GPR89B: variants seen among roughly 807,000 people sequenced by gnomAD.
GPR89B encodes G protein-coupled receptor 89B.
In GPR89B, 25 loss-of-function variants were observed where a neutral mutation model predicts 52.4. The ratio of observed to expected loss-of-function variants is 0.48; its 90% CI spans 0.35 to 0.67. The LOEUF is 0.67. Among genes scored for constraint, GPR89B ranks in the 30% least tolerant of loss-of-function variants. GPR89B has a pLI of 0.01. For missense variants in GPR89B, 146 were observed against 450.2 expected, an observed-to-expected ratio of 0.32 and a Z score of 6.11; for synonymous variants, 52 against 151.2, an observed-to-expected ratio of 0.34 and a Z score of 4.81.
rs1329724056 is a variant in GPR89B at position 147,986,204 on chromosome 1, C to T, written c.915C>T (p.Thr305=). The T allele has an allele frequency of 7.4e-6, 12 of 1,611,144 alleles. No homozygotes were observed. The South Asian group carries it at 1.1e-4, about 15-fold the overall frequency. Residue 305 remains threonine, a synonymous_variant, in exon 11 of 14, where the codon ACC becomes ACT. Transcript: ENST00000314163. ...IYCVWKIFMA[T]INIVFDRVGK... is the part of the protein sequence containing the mutation. Reference sequence around the variant, plus strand: ...AAAAATCTGCATCTTTGCAGGCTACCATCAATATTGTTTTTGATCGAGTTG... The same window carrying T: ...AAAAATCTGCATCTTTGCAGGCTACTATCAATATTGTTTTTGATCGAGTTG...
At chr1:147,990,773 A>G (rs1659008360) in intron 12 of GPR89B, among the ~76,000 whole-genome samples, 2 of 151,004 alleles carry the variant, frequency 1.3e-5, no homozygotes, top group Non-Finnish European at 1.5e-5. Context: ...GTGTGGTATT[A>G]TTTCTGAGGG....
the GPR89B span, among the ~76,000 whole-genome samples, chr1:148,013,377 G>T: frequency 2.0e-5 from 3 of 152,122 alleles, no homozygotes; most frequent in African/African-American, 4.8e-5. Flanking sequence ...TTCTGATGTT[G>T]GTAGAGACGC....
At chr1:147,929,101 T>C (rs1258327517) in intron 1 of GPR89B, 6 of 871,782 alleles carry the variant, frequency 6.9e-6, no homozygotes, top group Non-Finnish European at 8.3e-6. Context: ...CTTGAAAGTA[T>C]AAGGTTTCGT....
At chr1:148,006,025 T>A in the GPR89B span, among the ~76,000 whole-genome samples, 1 of 152,280 alleles carries the variant, frequency 6.6e-6, no homozygotes, top group Admixed American at 6.5e-5. Context: ...CCCAATAATG[T>A]GAAACAAACT....
rs1449798455 is a variant in GPR89B, at chr1:147,970,217, C to T, written c.909+258C>T. ...GTTTATGAAATATCTAAATTGAGGC[C>T]GGGCATGGTGGCTCATGCCTATAAT... On this transcript the variant is annotated intron_variant, in intron 10 of 13. Coordinates refer to ENST00000314163, the MANE Select transcript of GPR89B (RefSeq NM_016334.5). Among the ~76,000 whole-genome samples, 13 of 151,936 alleles carry T rather than the reference C, an allele frequency of 8.6e-5. No homozygotes were observed. The East Asian group carries it at 9.7e-4, about 11-fold the overall frequency.
At chr1:147,998,586 A>C (rs1157737145), downstream of GPR89B, among the ~76,000 whole-genome samples, 58 of 152,210 alleles carry the variant, frequency 3.8e-4, no homozygotes, top group African/African-American at 1.2e-3. Flanking sequence ...CATTTAAAAC[A>C]CTTGAGATTT....
rs1186184289 is a variant in GPR89B, at chr1:147,957,969, C to T, written c.617+3567C>T. Among the ~76,000 whole-genome samples, 470 of 151,150 alleles carry T rather than the reference C, an allele frequency of 3.1e-3. 10 individuals carry two copies. The highest frequency in any genetic ancestry group is 0.011 in the African/African-American group (455 of 40,782). On this transcript the variant is annotated intron_variant, in intron 7 of 13. Coordinates refer to ENST00000314163, the MANE Select transcript of GPR89B (RefSeq NM_016334.5). ...GTCCCAGCTACTCGGGAGACTGAGG[C>T]AGGAGAACGGTGTGAACCCAGGAGG...
intron 7 of GPR89B, among the ~76,000 whole-genome samples, chr1:147,962,423 CAA>C (rs1176963367): frequency 2.5e-4 from 20 of 80,932 alleles, no homozygotes; most frequent in African/African-American, 3.1e-4. Flanking sequence ...AACTCTGTCT[CAA>C]AAAAAAAAAA....
At chr1:147,971,255 T>TGAGAA (rs1657440126) in intron 10 of GPR89B, among the ~76,000 whole-genome samples, 31 of 151,436 alleles carry the variant, frequency 2.0e-4, no homozygotes, top group Non-Finnish European at 2.6e-4. Flanking sequence ...GCTCAAGCAA[T>TGAGAA]TCTCCTGCCT....
intron 2 of GPR89B, 139 bp from the exon 3 acceptor site, chr1:147,938,575 C>A: frequency 1.5e-6 from 1 of 685,148 alleles, no homozygotes; most frequent in Non-Finnish European, 2.5e-6. Flanking sequence ...TAGCTCCAGG[C>A]AAGTTGCTGT....
the GPR89B span, among the ~76,000 whole-genome samples, chr1:148,023,027 T>C: frequency 6.6e-6 from 1 of 152,018 alleles, no homozygotes; most frequent in Non-Finnish European, 1.5e-5. Flanking sequence ...GTTACATGGG[T>C]ATATTGGGTC....
chr1:147,985,800 C>G (rs1397387377), intron 10 of GPR89B, among the ~76,000 whole-genome samples: 4 of 152,054 alleles, frequency 2.6e-5, no homozygotes, highest in African/African-American at 7.2e-5. Flanking sequence ...GACTTATTAG[C>G]TATAACTCCT....
Position 147,928,506 on chromosome 1 carries a change from G to A in GPR89B, c.-31G>A, listed in dbSNP as rs781963405. Reference sequence around the variant, plus strand: ...GTGCTGTGGCCTCCGGGAGTGGGAAGTGGAGGCAGGAGCCTTCCTTACACT... The same window carrying A: ...GTGCTGTGGCCTCCGGGAGTGGGAAATGGAGGCAGGAGCCTTCCTTACACT... On this transcript the variant is annotated 5_prime_UTR_variant, in exon 1 of 14. It adds an upstream start codon to the 5' untranslated region. Coordinates refer to ENST00000314163, the MANE Select transcript of GPR89B (RefSeq NM_016334.5). 5 of 1,613,690 alleles carry A rather than the reference G, an allele frequency of 3.1e-6. No individual in the cohort carries two copies. Among genetic ancestry groups the A allele is most frequent in the African/African-American group, 1.3e-5 (1 of 75,050 alleles).
At chr1:148,010,551 T>G in the GPR89B span, 2 of 152,346 alleles carry the variant, frequency 1.3e-5, no homozygotes, top group African/African-American at 4.8e-5. Context: ...AGAAGCTCCA[T>G]CATCCCACAG....
intron 1 of GPR89B, among the ~76,000 whole-genome samples, chr1:147,934,394 C>A (rs1653910464): frequency 6.6e-6 from 1 of 152,028 alleles, no homozygotes; most frequent in African/African-American, 2.4e-5. Flanking sequence ...CCAAGCTGGT[C>A]TCGAACTCCT....
intron 5 of GPR89B, among the ~76,000 whole-genome samples, chr1:147,945,439 G>T (rs1553249619): frequency 2.0e-5 from 3 of 152,156 alleles, no homozygotes; most frequent in African/African-American, 7.2e-5. Context: ...TATACTGATT[G>T]CCTATAGCAG....
At chr1:148,014,021 T>C in the GPR89B span, among the ~76,000 whole-genome samples, 1 of 151,208 alleles carries the variant, frequency 6.6e-6, no homozygotes, top group African/African-American at 2.4e-5. Context: ...CCAAAGACTG[T>C]AGGGAGACCT....
chr1:147,985,246 A>G (rs1658580039), intron 10 of GPR89B, among the ~76,000 whole-genome samples: 1 of 152,002 alleles, frequency 6.6e-6, no homozygotes, highest in Admixed American at 6.6e-5. Context: ...TTGCTATGAA[A>G]TCTACTTTGT....
At chr1:147,960,632 A>G (rs1656462549) in intron 7 of GPR89B, among the ~76,000 whole-genome samples, 1 of 146,266 alleles carries the variant, frequency 6.8e-6, no homozygotes, top group South Asian at 2.3e-4. Flanking sequence ...GTGGTTGGAC[A>G]CCTGAGATCA....
Sources: gnomAD v4.1 joint callset for allele counts (sites outside exome capture counted in the v4.1 genomes callset) on GRCh38, gnomAD v4.1.1 for gene constraint, MANE v1.5 for transcripts, NCBI Gene and HGNC (gene_info 2026-07-23, HGNC 2026-07-21) for gene names.